HMGXB3: variants seen among roughly 807,000 people sequenced by gnomAD.
HMGXB3 encodes the protein HMG-box containing 3.
A neutral mutation model predicts 121.5 loss-of-function variants in HMGXB3; 45 were observed. The ratio of observed to expected loss-of-function variants is 0.37; its 90% confidence interval spans 0.29 to 0.47. The LOEUF (loss-of-function observed/expected upper bound fraction) is 0.47. Among genes scored for constraint, HMGXB3 ranks in the 20% least tolerant of loss-of-function variants. HMGXB3 has a pLI of 0.99. For missense variants in HMGXB3, 1,376 were observed against 1,602.2 expected (o/e 0.86, Z 2.41); for synonymous variants, 590 against 624.1 (o/e 0.95, Z 0.81).
chr5:150,043,040 G>C (rs13168505), intron 15 of HMGXB3, among the ~76,000 whole-genome samples: 82,944 of 152,090 alleles, frequency 0.55, 25,530 homozygotes, highest in Non-Finnish European at 0.69. Flanking sequence ...TCATGACAAA[G>C]TTAAACACAG....
At chr5:150,037,056 T>A in intron 12 of HMGXB3, 119 bp downstream of exon 12, 1 of 910,424 alleles carries the variant, frequency 1.1e-6, no homozygotes, top group East Asian at 2.7e-5. Context: ...GTTTTTAGGC[T>A]TCCTTTAACT....
intron 9 of HMGXB3, among the ~76,000 whole-genome samples, chr5:150,029,941 A>G (rs1756333267): frequency 1.3e-5 from 2 of 152,224 alleles, no homozygotes; most frequent in African/African-American, 2.4e-5. Flanking sequence ...GATTCCCTTC[A>G]TGTACACTCT....
At position 150,012,354 on chromosome 5, in the gene HMGXB3, G is replaced by T; in HGVS notation, c.909+1G>T. 1 of 1,545,472 alleles carries T rather than the reference G, an allele frequency of 6.5e-7. No individual in the cohort carries two copies. The highest frequency in any genetic ancestry group is 8.8e-7 in the Non-Finnish European group (1 of 1,140,908). ...GGAGAACCCCACCTCCATCAAACTGGTCAGTACTGTATGTGGGGGATTGAT... is the reference window on the plus strand; with the variant it reads ...GGAGAACCCCACCTCCATCAAACTGTTCAGTACTGTATGTGGGGGATTGAT... On this transcript the variant is annotated splice_donor_variant, in intron 5 of 19. Transcript: ENST00000502717. LOFTEE classifies it high-confidence loss of function.
chr5:150,014,999 C>A (rs555358858), intron 5 of HMGXB3: 1 of 737,886 alleles, frequency 1.4e-6, no homozygotes, highest in Non-Finnish European at 2.0e-6. Flanking sequence ...GAAGTCTCTG[C>A]GAATACCAAA....
Position 150,048,634 on chromosome 5 carries a change from G to A in HMGXB3, c.3150G>A (p.Arg1050=). Residue 1050 remains arginine (R), a synonymous_variant, in exon 18 of 20, where the codon CGG becomes CGA. Coordinates refer to ENST00000502717, the MANE Select transcript of HMGXB3 (RefSeq NM_014983.3). ...ESVQNGARAI[R]PPRHFTGGKI... Reference sequence around the variant, plus strand: ...TACAGAATGGAGCTAGAGCTATACGGCCCCCACGTCACTTCACAGGTGGTA... The same window carrying A: ...TACAGAATGGAGCTAGAGCTATACGACCCCCACGTCACTTCACAGGTGGTA... 1 of 1,551,906 alleles carries A rather than the reference G, an allele frequency of 6.4e-7. No homozygotes were observed. The highest frequency in any genetic ancestry group is 8.7e-7 in the Non-Finnish European group (1 of 1,147,010).
chr5:150,026,945 G>A (rs188894283), intron 8 of HMGXB3, 64 bp downstream of exon 8: 7 of 1,527,868 alleles, frequency 4.6e-6, no homozygotes, highest in African/African-American at 4.1e-5. Flanking sequence ...GGAGTGGGGG[G>A]TTGAGAACGG....
chr5:150,024,974 T>A (rs1756193168), intron 7 of HMGXB3, among the ~76,000 whole-genome samples: 1 of 152,216 alleles, frequency 6.6e-6, no homozygotes, highest in Non-Finnish European at 1.5e-5. Context: ...GAGTTACCAG[T>A]CCTGGATACT....
chr5:150,031,392 G>A (rs72832129), intron 10 of HMGXB3, among the ~76,000 whole-genome samples: 2,023 of 152,370 alleles, frequency 0.013, 20 homozygotes, highest in Non-Finnish European at 0.02. Context: ...AGGGCAGGCA[G>A]CATAGAGCAG....
intron 6 of HMGXB3, among the ~76,000 whole-genome samples, chr5:150,023,728 A>G (rs1481645807): frequency 6.6e-6 from 1 of 152,238 alleles, no homozygotes; most frequent in African/African-American, 2.4e-5. Flanking sequence ...CATATGTGCA[A>G]GTCATTCTTA....
At chr5:150,038,503 G>T (rs1474074285) in intron 13 of HMGXB3, among the ~76,000 whole-genome samples, 1 of 152,162 alleles carries the variant, frequency 6.6e-6, no homozygotes, top group African/African-American at 2.4e-5. Context: ...AGTTCCATAA[G>T]TTCTGACAGA....
chr5:150,045,449 T>G lies in HMGXB3; in HGVS notation c.2731-17T>G. 6.5e-7 allele frequency: 1 copy of G among 1,547,796 alleles called. No individual in the cohort carries two copies. The highest frequency in any genetic ancestry group is 2.4e-5 in the East Asian group (1 of 40,892). On this transcript the variant is annotated splice_polypyrimidine_tract_variant and intron_variant, in intron 15 of 19. Coordinates refer to ENST00000502717, the MANE Select transcript of HMGXB3 (RefSeq NM_014983.3). Reference sequence around the variant, plus strand: ...TGTGACTCCCACAGTTTGACCTTCTTTATCCTGACCTTCTAGTTCACCTGG... The same window carrying G: ...TGTGACTCCCACAGTTTGACCTTCTGTATCCTGACCTTCTAGTTCACCTGG...
intron 11 of HMGXB3, among the ~76,000 whole-genome samples, chr5:150,033,004 C>T (rs1298818705): frequency 1.3e-5 from 2 of 152,164 alleles, no homozygotes; most frequent in South Asian, 2.1e-4. Flanking sequence ...ATTAGACCAC[C>T]GCTGCTTTCT....
chr5:150,031,190 A>G (rs1421084548), intron 10 of HMGXB3, among the ~76,000 whole-genome samples: 1 of 152,230 alleles, frequency 6.6e-6, no homozygotes, highest in African/African-American at 2.4e-5. Flanking sequence ...CATTTAGGCA[A>G]CGTTGCCTTT....
intron 9 of HMGXB3, among the ~76,000 whole-genome samples, chr5:150,027,998 AG>A (rs376967990): frequency 4.9e-4 from 75 of 152,228 alleles, no homozygotes; most frequent in African/African-American, 1.6e-3. Context: ...GCCAAAATTG[AG>A]GACATGCACC....
At chr5:150,044,843 AT>A (rs1756721194) in intron 15 of HMGXB3, among the ~76,000 whole-genome samples, 1 of 152,194 alleles carries the variant, frequency 6.6e-6, no homozygotes, top group Admixed American at 6.5e-5. Context: ...AAGAAGAAAA[AT>A]TGAGTAGCAC....
intron 4 of HMGXB3, among the ~76,000 whole-genome samples, chr5:150,011,859 G>A (rs1203552509): frequency 6.6e-6 from 1 of 151,854 alleles, no homozygotes; most frequent in Non-Finnish European, 1.5e-5. Flanking sequence ...TGATCCGCCC[G>A]CCTCGGCCTC....
At position 150,050,371 on chromosome 5, in the gene HMGXB3, C is replaced by T. The variant is rs1756862507; in HGVS notation, c.3321C>T (p.Ala1107=). The T allele has an allele frequency of 1.3e-6, 2 of 1,551,638 alleles. No individual in the cohort carries two copies. The highest frequency in any genetic ancestry group is 1.7e-6 in the Non-Finnish European group (2 of 1,147,016). ...VYVVDMATSV[A]LCADLCYPEL... ...TGGTAGATATGGCCACGTCAGTGGC[C>T]CTGTGTGCTGACCTCTGCTACCCAG... is the stretch of plus-strand genomic sequence containing the variant. The change falls in exon 19 of 20, where the codon GCC becomes GCT. Residue 1107 remains alanine (A), a synonymous_variant. Coordinates refer to ENST00000502717, the MANE Select transcript of HMGXB3 (RefSeq NM_014983.3).
Position 150,048,585 on chromosome 5 carries a change from C to T in HMGXB3, c.3101C>T (p.Ser1034Phe). 1.3e-6 allele frequency: 2 copies of T among 1,551,862 alleles called. No homozygotes were observed. The highest frequency in any genetic ancestry group is 1.7e-6 in the Non-Finnish European group (2 of 1,146,824). ...AEDSKDQLCFSLLALYESVQN... is the reference protein window; with the variant it reads ...AEDSKDQLCFFLLALYESVQN... ...CTACTCCAGGACCAGCTCTGCTTCT[C>T]CTTGTTGGCCCTCTACGAATCTGTA... The change falls in exon 18 of 20, where the codon TCC becomes TTC. Residue 1034 changes from serine (S) to phenylalanine (F), a missense_variant. By Grantham distance (155) the Ser-to-Phe change is radical. Transcript: ENST00000502717.
chr5:150,050,233 C>G lies in HMGXB3; in HGVS notation c.3202-19C>G. On this transcript the variant is annotated intron_variant, in intron 18 of 19. Transcript: ENST00000502717. ...TGGCTTCCTAATTAACCCTGCGCCC[C>G]CCACCCTTCATCTCCCAGGTGGTCT... 6.5e-7 allele frequency: 1 copy of G among 1,548,580 alleles called. No individual in the cohort carries two copies. Among genetic ancestry groups the G allele is most frequent in the Non-Finnish European group, 8.7e-7 (1 of 1,144,098 alleles).
Sources: allele counts gnomAD v4.1 joint callset (sites outside exome capture counted in the v4.1 genomes callset), GRCh38; gene constraint gnomAD v4.1.1; transcripts MANE v1.5; gene names NCBI Gene and HGNC (gene_info 2026-07-23, HGNC 2026-07-21).